HORMAD2: variants seen among roughly 807,000 people sequenced by gnomAD.
HORMAD2 encodes the protein HORMA domain-containing protein 2.
HORMAD2 carries 45 observed loss-of-function variants against 38.8 expected under a neutral mutation model. That is an observed-to-expected ratio of 1.16 (90% CI 0.91 to 1.49). HORMAD2 has a LOEUF of 1.49. Among genes scored for constraint, HORMAD2 ranks in the 40% most tolerant of loss-of-function variants. HORMAD2 has a pLI of 0.00. For synonymous variants in HORMAD2, 126 were observed against 122.8 expected, an observed-to-expected ratio of 1.03 and a Z score of -0.17; for missense variants, 338 against 367.0, an observed-to-expected ratio of 0.92 and a Z score of 0.65.
intron 2 of HORMAD2, 107 bp from the exon 3 acceptor site, chr22:30,098,745 C>A: frequency 2.2e-6 from 2 of 923,622 alleles, no homozygotes; most frequent in Non-Finnish European, 3.1e-6. Flanking sequence ...TCAAAGATAT[C>A]AAATTTGAAG....
At chr22:30,190,334 A>G in the HORMAD2 span, among the ~76,000 whole-genome samples, 27 of 152,360 alleles carry the variant, frequency 1.8e-4, no homozygotes, top group East Asian at 4.0e-3. Flanking sequence ...TTCATTTACC[A>G]TCTTGCAGAT....
chr22:30,087,799 C>T (rs945890892), intron 1 of HORMAD2, among the ~76,000 whole-genome samples: 3 of 152,004 alleles, frequency 2.0e-5, no homozygotes, highest in African/African-American at 7.3e-5. Context: ...GCAAGAACTG[C>T]ACTGAGGGTA....
chr22:30,148,483 A>G (rs939256031), intron 10 of HORMAD2, among the ~76,000 whole-genome samples: 1 of 152,148 alleles, frequency 6.6e-6, no homozygotes, highest in Non-Finnish European at 1.5e-5. Flanking sequence ...CATTTATCAA[A>G]ATGCAAAGAA....
At position 30,121,682 on chromosome 22, in the gene HORMAD2, A is replaced by G; in HGVS notation, c.461A>G (p.Lys154Arg). The G allele has an allele frequency of 6.2e-7, 1 of 1,607,054 alleles. No individual in the cohort carries two copies. The change falls in exon 9 of 11, where the codon AAG (lysine) becomes AGG (arginine). Residue 154 changes from lysine (K) to arginine (R), a missense_variant. Physicochemically the swap from Lys to Arg is conservative, Grantham distance 26. Coordinates refer to ENST00000336726, the MANE Select transcript of HORMAD2 (RefSeq NM_152510.4). ...FESGTNNEDI[K>R]KASVLLIRKL... ...AGTGGAACAAACAATGAAGATATTA[A>G]GAAAGCCAGTGTTCTACTGATCCGT... is the stretch of plus-strand genomic sequence containing the variant.
chr22:30,202,572 G>C, the HORMAD2 span, among the ~76,000 whole-genome samples: 20 of 152,098 alleles, frequency 1.3e-4, no homozygotes, highest in African/African-American at 4.8e-4. Flanking sequence ...ACAAGTCTCA[G>C]ATTCCACTCT....
At chr22:30,196,318 G>A in the HORMAD2 span, among the ~76,000 whole-genome samples, 3 of 152,196 alleles carry the variant, frequency 2.0e-5, no homozygotes, top group Non-Finnish European at 2.9e-5. Context: ...GTCAAGTGAT[G>A]TAAGAAAATT....
At chr22:30,142,722 T>G (rs2146183492) in intron 10 of HORMAD2, among the ~76,000 whole-genome samples, 1 of 152,320 alleles carries the variant, frequency 6.6e-6, no homozygotes, top group African/African-American at 2.4e-5. Flanking sequence ...TTACTTTTTA[T>G]TTCTATGTGT....
chr22:30,089,006 G>C (rs1190684092), intron 1 of HORMAD2, among the ~76,000 whole-genome samples: 2 of 152,150 alleles, frequency 1.3e-5, no homozygotes, highest in Non-Finnish European at 2.9e-5. Flanking sequence ...AGAACTATTG[G>C]TGGTTTTCAG....
chr22:30,149,467 A>G (rs1009625979), intron 10 of HORMAD2, among the ~76,000 whole-genome samples: 13 of 152,250 alleles, frequency 8.5e-5, no homozygotes, highest in Non-Finnish European at 1.5e-4. Context: ...ATCATCACAG[A>G]AAGTTCTAAT....
intron 10 of HORMAD2, among the ~76,000 whole-genome samples, chr22:30,162,960 C>T (rs1044589962): frequency 6.6e-6 from 1 of 152,074 alleles, no homozygotes; most frequent in African/African-American, 2.4e-5. Flanking sequence ...CCTCAGCCTC[C>T]CAAAGTGTTG....
At chr22:30,086,670 A>C (rs2146056371) in intron 1 of HORMAD2, among the ~76,000 whole-genome samples, 1 of 152,296 alleles carries the variant, frequency 6.6e-6, no homozygotes, top group East Asian at 1.9e-4. Flanking sequence ...GGAGAAGGAG[A>C]ATACCAGTGA....
chr22:30,128,749 G>C (rs1569101932), intron 10 of HORMAD2, among the ~76,000 whole-genome samples: 1 of 152,138 alleles, frequency 6.6e-6, no homozygotes, highest in Non-Finnish European at 1.5e-5. Context: ...GTGAGCTCCA[G>C]TGTCACCAGC....
chr22:30,114,398 T>G (rs183196750), intron 7 of HORMAD2, among the ~76,000 whole-genome samples: 200 of 152,316 alleles, frequency 1.3e-3, no homozygotes, highest in Non-Finnish European at 1.2e-3. Context: ...TACTGTGGTA[T>G]AGCAATGTTC....
intron 10 of HORMAD2, among the ~76,000 whole-genome samples, chr22:30,159,201 G>A (rs1283451662): frequency 6.6e-6 from 1 of 152,092 alleles, no homozygotes; most frequent in Non-Finnish European, 1.5e-5. Flanking sequence ...AATTTTGAAA[G>A]CCCTCAGAAT....
intron 10 of HORMAD2, among the ~76,000 whole-genome samples, chr22:30,125,050 C>G (rs919140179): frequency 6.6e-6 from 1 of 151,986 alleles, no homozygotes; most frequent in East Asian, 1.9e-4. Context: ...CTATTTTGCT[C>G]ATATTAAATA....
chr22:30,150,196 C>T (rs111328285), intron 10 of HORMAD2, among the ~76,000 whole-genome samples: 3 of 152,026 alleles, frequency 2.0e-5, no homozygotes, highest in Non-Finnish European at 2.9e-5. Flanking sequence ...TTCAGGTATT[C>T]GATTTTTAAA....
chr22:30,132,552 A>AC (rs1601554820), intron 10 of HORMAD2, among the ~76,000 whole-genome samples: 1 of 151,742 alleles, frequency 6.6e-6, no homozygotes, highest in Non-Finnish European at 1.5e-5. Flanking sequence ...AAAAAAAAAA[A>AC]CAAAACCAAA....
At chr22:30,164,782 C>T (rs1925675759) in intron 10 of HORMAD2, among the ~76,000 whole-genome samples, 1 of 152,138 alleles carries the variant, frequency 6.6e-6, no homozygotes, top group Non-Finnish European at 1.5e-5. Context: ...GTGTGAGCCA[C>T]CATACCCACT....
At chr22:30,169,767 A>G (rs1258710092) in intron 10 of HORMAD2, among the ~76,000 whole-genome samples, 1 of 151,896 alleles carries the variant, frequency 6.6e-6, no homozygotes, top group Non-Finnish European at 1.5e-5. Context: ...CCATTTTCCC[A>G]CCTCTCACTC....
Sources: gnomAD v4.1 joint callset for allele counts (sites outside exome capture counted in the v4.1 genomes callset) on GRCh38, gnomAD v4.1.1 for gene constraint, MANE v1.5 for transcripts, NCBI Gene and HGNC (gene_info 2026-07-23, HGNC 2026-07-21) for gene names.